NHSL2: variants seen among roughly 807,000 people sequenced by gnomAD.
The protein encoded by NHSL2 is NHS like 2.
In NHSL2, 27 loss-of-function variants were observed where a neutral mutation model predicts 53.4. The ratio of observed to expected loss-of-function variants is 0.51; its 90% CI spans 0.37 to 0.70. NHSL2 has a LOEUF of 0.70. NHSL2 is among the 30% of genes least tolerant of loss of function. NHSL2 has a pLI of 0.00. For missense variants in NHSL2, 892 were observed against 980.1 expected, an observed-to-expected ratio of 0.91 and a Z score of 1.20; for synonymous variants, 408 against 404.1, an observed-to-expected ratio of 1.01 and a Z score of -0.12.
At position 72,066,040 on chromosome X, in the gene NHSL2, A is replaced by G. The variant is rs189629848; in HGVS notation, c.281-66039A>G. On this transcript the variant is annotated intron_variant, in intron 1 of 7. Transcript: ENST00000633930. The stretch of plus-strand genomic sequence containing the variant: ...GCAATGGAGTGATGTGGTTTGATTT[A>G]TGTTTGTAAAAGCTCACTCTGGCTG... Among the ~76,000 whole-genome samples, 8 of 111,784 alleles carry G rather than the reference A, an allele frequency of 7.2e-5. No individual in the cohort carries two copies. In the East Asian group the frequency reaches 2.3e-3, roughly 32 times the overall value.
chrX:72,031,699 C>T (rs888461465), intron 1 of NHSL2, among the ~76,000 whole-genome samples: 2 of 106,720 alleles, frequency 1.9e-5, no homozygotes, highest in Non-Finnish European at 3.8e-5. Flanking sequence ...CCTGCTTTCT[C>T]GCTCCTTTCC....
At chrX:72,036,393 C>A (rs1028612749) in intron 1 of NHSL2, among the ~76,000 whole-genome samples, 1 of 112,125 alleles carries the variant, frequency 8.9e-6, no homozygotes, top group South Asian at 3.7e-4. Flanking sequence ...ATCATTATTT[C>A]TCTCTGACTG....
At chrX:71,990,000 A>G (rs1052462209) in intron 1 of NHSL2, among the ~76,000 whole-genome samples, 1 of 112,833 alleles carries the variant, frequency 8.9e-6, no homozygotes, top group African/African-American at 3.2e-5. Flanking sequence ...AGAAGCAAAT[A>G]CAGAATTTTG....
intron 1 of NHSL2, among the ~76,000 whole-genome samples, chrX:71,998,488 C>T (rs990690940): frequency 9.0e-6 from 1 of 111,403 alleles, no homozygotes; most frequent in Non-Finnish European, 1.9e-5. Flanking sequence ...TGAGAGTTGG[C>T]CTGTGACACC....
chrX:72,073,526 A>G (rs1460835484), intron 1 of NHSL2, among the ~76,000 whole-genome samples: 1 of 112,182 alleles, frequency 8.9e-6, no homozygotes, highest in Non-Finnish European at 1.9e-5. Context: ...AGCTGTTTGA[A>G]CTAGCATCCC....
At chrX:72,095,996 A>G (rs2041940695) in intron 1 of NHSL2, among the ~76,000 whole-genome samples, 1 of 110,699 alleles carries the variant, frequency 9.0e-6, no homozygotes, top group African/African-American at 3.3e-5. Context: ...TGGTCATCAA[A>G]ACAGACAGGG....
intron 1 of NHSL2, among the ~76,000 whole-genome samples, chrX:72,011,937 T>C (rs982384827): frequency 1.8e-5 from 2 of 112,308 alleles, no homozygotes; most frequent in Non-Finnish European, 3.8e-5. Context: ...TGTCTATTTA[T>C]GTCTTTAGCC....
chrX:72,145,723 G>C lies in NHSL2; in HGVS notation c.*2149G>C, dbSNP rs910319515. Reference sequence around the variant, plus strand: ...CCATTATGACTGGTTGAACGTTAAAGCTGAGTATGGGACTCACATAGTATA... The same window carrying C: ...CCATTATGACTGGTTGAACGTTAAACCTGAGTATGGGACTCACATAGTATA... On this transcript the variant is annotated 3_prime_UTR_variant, in exon 8 of 8. Transcript: ENST00000633930. The C allele has an allele frequency of 8.9e-6, 1 of 112,411 alleles. No individual in the cohort carries two copies. The highest frequency in any genetic ancestry group is 3.2e-5 in the African/African-American group (1 of 30,969). 9.3% of individuals were successfully genotyped at this position (112,411 alleles called of 1,213,427 possible).
chrX:71,935,002 C>A (rs959248956), intron 1 of NHSL2, among the ~76,000 whole-genome samples: 8 of 110,901 alleles, frequency 7.2e-5, no homozygotes, highest in African/African-American at 2.6e-4. Flanking sequence ...CTGGCAGGAC[C>A]GTTTTTTTGT....
chrX:72,129,158 G>T (rs908521461), intron 1 of NHSL2: 1 of 113,152 alleles, frequency 8.8e-6, no homozygotes, highest in Non-Finnish European at 1.9e-5. Context: ...AGTGGAACCA[G>T]CCTGCACAGT....
intron 1 of NHSL2, among the ~76,000 whole-genome samples, chrX:72,048,113 A>AT (rs2042315995): frequency 1.1e-4 from 12 of 108,325 alleles, no homozygotes; most frequent in African/African-American, 4.0e-4. Context: ...AATAATAATA[A>AT]AGCAACATTT....
chrX:72,039,410 G>A (rs780934176), intron 1 of NHSL2, among the ~76,000 whole-genome samples: 20 of 111,366 alleles, frequency 1.8e-4, no homozygotes, highest in African/African-American at 6.2e-4. Flanking sequence ...AGACATTTAG[G>A]TTTCCTCCAG....
At chrX:71,912,586 C>A (rs982524539) in intron 1 of NHSL2, among the ~76,000 whole-genome samples, 14 of 108,871 alleles carry the variant, frequency 1.3e-4, no homozygotes, top group Non-Finnish European at 3.8e-5. Flanking sequence ...TCATAAAGGT[C>A]TCTGACCTCT....
chrX:72,021,724 G>C (rs1158992019), intron 1 of NHSL2, among the ~76,000 whole-genome samples: 2 of 111,541 alleles, frequency 1.8e-5, no homozygotes, highest in African/African-American at 6.5e-5. Context: ...TGGGACTGAG[G>C]CTGGAAACTC....
At chrX:72,058,091 A>G (rs781640291) in intron 1 of NHSL2, among the ~76,000 whole-genome samples, 1 of 112,150 alleles carries the variant, frequency 8.9e-6, no homozygotes, top group Admixed American at 9.4e-5. Context: ...TGTGAGCTCA[A>G]CAGGCCTCCT....
intron 1 of NHSL2, among the ~76,000 whole-genome samples, chrX:72,098,685 AATTTT>A (rs2041965338): frequency 8.9e-6 from 1 of 111,735 alleles, no homozygotes; most frequent in Admixed American, 9.4e-5. Flanking sequence ...TGATTTTTAA[AATTTT>A]ATTTTATTTA....
At chrX:71,946,433 C>T (rs1025368327) in intron 1 of NHSL2, among the ~76,000 whole-genome samples, 8 of 111,790 alleles carry the variant, frequency 7.2e-5, no homozygotes, top group Non-Finnish European at 1.1e-4. Context: ...TGGGAGTTCT[C>T]AGCTATAGAT....
At chrX:71,913,553 C>T (rs139946494) in intron 1 of NHSL2, among the ~76,000 whole-genome samples, 4,948 of 112,226 alleles carry the variant, frequency 0.044, 290 homozygotes, top group African/African-American at 0.15. Context: ...CCCTTACTGA[C>T]CATTTTGCTG....
chrX:72,140,799 C>T (rs1345839927), intron 6 of NHSL2, 28 bp downstream of exon 6: 1 of 1,113,899 alleles, frequency 9.0e-7, no homozygotes, highest in Non-Finnish European at 1.2e-6. Flanking sequence ...TGGCTTTTTC[C>T]TTCAGTCACA....
Sources: gnomAD v4.1 joint callset for allele counts (sites outside exome capture counted in the v4.1 genomes callset) on GRCh38, gnomAD v4.1.1 for gene constraint, MANE v1.5 for transcripts, NCBI Gene and HGNC (gene_info 2026-07-23, HGNC 2026-07-21) for gene names.